Variants in DACH1 observed in about 807,000 individuals in gnomAD.
DACH1 encodes the protein dachshund homolog 1.
In DACH1, 12 loss-of-function variants were observed where a neutral mutation model predicts 54.2. The ratio of observed to expected loss-of-function variants is 0.22; its 90% CI spans 0.14 to 0.36. The LOEUF (loss-of-function observed/expected upper bound fraction) is 0.36, where lower values mean the gene tolerates loss of function less well. Ranked by LOEUF, DACH1 falls within the 10% of genes least tolerant of loss-of-function variation. The probability of loss-of-function intolerance (pLI) is 1.00; values close to 1 mark genes in which losing one functional copy is unlikely to be tolerated. For synonymous variants in DACH1, 386 were observed against 366.2 expected, an observed-to-expected ratio of 1.05 and a Z score of -0.62; for missense variants, 805 against 929.8, an observed-to-expected ratio of 0.87 and a Z score of 1.75.
intron 6 of DACH1, among the ~76,000 whole-genome samples, chr13:71,499,911 T>G: frequency 6.6e-6 from 1 of 152,146 alleles, no homozygotes; most frequent in East Asian, 1.9e-4. Flanking sequence ...GGTCGTAAGA[T>G]GTTCAGTAAT....
intron 4 of DACH1, among the ~76,000 whole-genome samples, chr13:71,563,428 T>C (rs1400787195): frequency 3.9e-5 from 6 of 151,966 alleles, no homozygotes; most frequent in African/African-American, 1.4e-4. Context: ...TTTTCTGAGA[T>C]ATTTAACTCA....
rs538796133 is a variant in DACH1 at position 71,502,273 on chromosome 13, GATTATCTGTGATTA to G, written c.1571-13139_1571-13126del. On this transcript the variant is annotated intron_variant, in intron 6 of 10. Transcript: ENST00000613252. ...TACTGATACACTTATGATTATTTGTGATTATCTGTGATTAATTGCTAAGATACCTATCCCAGAAA... is the reference window on the plus strand; with the variant it reads ...TACTGATACACTTATGATTATTTGTGATTGCTAAGATACCTATCCCAGAAA... 2.0e-3 allele frequency among the ~76,000 whole-genome samples: 298 copies of G among 152,202 alleles called. 2 individuals are homozygous for G. The highest frequency in any genetic ancestry group is 6.9e-3 in the African/African-American group (288 of 41,558).
rs1879569254 is a variant in DACH1, at chr13:71,662,440, A to G, written c.964+19355T>C. Among the ~76,000 whole-genome samples the G allele has an allele frequency of 2.0e-5, 3 of 152,018 alleles. No homozygotes were observed. In the South Asian group the frequency reaches 6.2e-4, roughly 31 times the overall value. On this transcript the variant is annotated intron_variant, in intron 2 of 10. Coordinates refer to ENST00000613252, the MANE Select transcript of DACH1 (RefSeq NM_080759.6). Reference sequence around the variant, plus strand: ...GGCAGTTATGTTAACAGTCTTGAGCAAGAAAAATCAGTGCCAAAATTTACT... The same window carrying G: ...GGCAGTTATGTTAACAGTCTTGAGCGAGAAAAATCAGTGCCAAAATTTACT...
At chr13:71,749,199 G>C (rs907915842) in intron 1 of DACH1, among the ~76,000 whole-genome samples, 8 of 151,800 alleles carry the variant, frequency 5.3e-5, no homozygotes, top group Non-Finnish European at 1.0e-4. Flanking sequence ...GGCCAGGCTG[G>C]TCTCGAACTC....
chr13:71,748,982 T>C (rs1489425677), intron 1 of DACH1, among the ~76,000 whole-genome samples: 1 of 148,652 alleles, frequency 6.7e-6, no homozygotes, highest in Non-Finnish European at 1.5e-5. Flanking sequence ...CTCTTTCTTC[T>C]TTCCTTTTAT....
chr13:71,512,163 T>C (rs1880825685), intron 6 of DACH1, among the ~76,000 whole-genome samples: 1 of 151,670 alleles, frequency 6.6e-6, no homozygotes, highest in Admixed American at 6.6e-5. Context: ...CAAATACCAA[T>C]TTTTTTTGAA....
intron 1 of DACH1, among the ~76,000 whole-genome samples, chr13:71,718,562 CAA>C (rs1883089709): frequency 8.1e-6 from 1 of 123,046 alleles, no homozygotes; most frequent in Non-Finnish European, 1.6e-5. Flanking sequence ...GATGACAGAG[CAA>C]GACCATATCT....
intron 4 of DACH1, among the ~76,000 whole-genome samples, chr13:71,562,711 C>T (rs1422921125): frequency 3.9e-5 from 6 of 152,044 alleles, no homozygotes; most frequent in Non-Finnish European, 1.5e-5. Flanking sequence ...ATGTATATGA[C>T]TTAAAAGAGC....
chr13:71,592,064 A>G (rs1260984459), intron 3 of DACH1, among the ~76,000 whole-genome samples: 1 of 152,178 alleles, frequency 6.6e-6, no homozygotes, highest in East Asian at 1.9e-4. Flanking sequence ...GTGGCTGTCC[A>G]TATTACCTTT....
At chr13:71,679,849 G>A (rs1056444779) in intron 2 of DACH1, among the ~76,000 whole-genome samples, 1 of 149,904 alleles carries the variant, frequency 6.7e-6, no homozygotes, top group Non-Finnish European at 1.5e-5. Context: ...GGGCGTAGTG[G>A]CACATGCCCG....
At position 71,552,435 on chromosome 13, in the gene DACH1, G is replaced by A. The variant is rs866682971; in HGVS notation, c.1570+4589C>T. ...TGATCAATCAAAAATTAGGTAAATCGTATAATAACAAAAATGTACATATTG... is the reference window on the plus strand; with the variant it reads ...TGATCAATCAAAAATTAGGTAAATCATATAATAACAAAAATGTACATATTG... On this transcript the variant is annotated intron_variant, in intron 6 of 10. Coordinates refer to ENST00000613252, the MANE Select transcript of DACH1 (RefSeq NM_080759.6). Among the ~76,000 whole-genome samples the A allele has an allele frequency of 7.9e-5, 12 of 151,860 alleles. No individual in the cohort carries two copies. The South Asian group carries it at 1.2e-3, about 16-fold the overall frequency.
intron 6 of DACH1, among the ~76,000 whole-genome samples, chr13:71,548,533 C>T (rs977254053): frequency 5.3e-5 from 8 of 152,090 alleles, no homozygotes; most frequent in African/African-American, 1.9e-4. Context: ...AGGAAAAAAA[C>T]ATAGCTGTCC....
intron 7 of DACH1, among the ~76,000 whole-genome samples, chr13:71,480,943 G>A (rs1048912919): frequency 1.8e-4 from 7 of 38,706 alleles, no homozygotes; most frequent in Middle Eastern, 0.015. Flanking sequence ...GTGGCAGGTT[G>A]CCCCTCCCCA....
intron 1 of DACH1, among the ~76,000 whole-genome samples, chr13:71,846,522 C>T (rs1161399203): frequency 6.6e-6 from 1 of 152,100 alleles, no homozygotes; most frequent in African/African-American, 2.4e-5. Context: ...CACACCTACT[C>T]AGGAGGCTGA....
chr13:71,596,039 CT>C, intron 3 of DACH1, among the ~76,000 whole-genome samples: 1 of 152,030 alleles, frequency 6.6e-6, no homozygotes, highest in South Asian at 2.1e-4. Context: ...TACTAAACTC[CT>C]ACTTGAATCA....
rs17088318 is a variant in DACH1, at chr13:71,535,706, T to G, written c.1570+21318A>C. On this transcript the variant is annotated intron_variant, in intron 6 of 10. Transcript: ENST00000613252. ...GTGCGCATAGTTTATTTACCAATCT[T>G]GATTTTATATCTTTTTGATAATTTC... Among the ~76,000 whole-genome samples, 304 of 152,174 alleles carry G rather than the reference T, an allele frequency of 2.0e-3. 4 individuals are homozygous for G. The highest frequency in any genetic ancestry group is 7.2e-3 in the African/African-American group (298 of 41,574).
intron 1 of DACH1, among the ~76,000 whole-genome samples, chr13:71,844,475 G>A (rs1873090450): frequency 6.6e-6 from 1 of 152,074 alleles, no homozygotes; most frequent in African/African-American, 2.4e-5. Context: ...AAAGAGGGGA[G>A]GCATTGCTAA....
chr13:71,775,187 T>A (rs571350387), intron 1 of DACH1, among the ~76,000 whole-genome samples: 46 of 131,802 alleles, frequency 3.5e-4, no homozygotes, highest in Non-Finnish European at 5.8e-4. Flanking sequence ...CCTGTAATCC[T>A]ACCTACTCAG....
chr13:71,841,976 G>C (rs1017122075), intron 1 of DACH1, among the ~76,000 whole-genome samples: 10 of 152,058 alleles, frequency 6.6e-5, no homozygotes, highest in Non-Finnish European at 1.0e-4. Flanking sequence ...TTAGGCATTA[G>C]GCTCCCTCAC....
Sources: gnomAD v4.1 joint callset for allele counts (sites outside exome capture counted in the v4.1 genomes callset) on GRCh38, gnomAD v4.1.1 for gene constraint, MANE v1.5 for transcripts, NCBI Gene and HGNC (gene_info 2026-07-23, HGNC 2026-07-21) for gene names.